The following C12orf42 variants were observed in gnomAD, a reference collection of about 807,000 sequenced individuals.
C12orf42 encodes the protein chromosome 12 open reading frame 42, also known as uncharacterized protein C12orf42.
In C12orf42, 25 loss-of-function variants were observed where a neutral mutation model predicts 21.6. The observed-to-expected ratio is 1.16, with a 90% CI of 0.84 to 1.62. The LOEUF is 1.62. Ranked by LOEUF, C12orf42 falls within the 40% of genes most tolerant of loss-of-function variation. The pLI is 0.00. For missense variants in C12orf42, 483 were observed against 459.3 expected (o/e 1.05, Z -0.47); for synonymous variants, 174 against 175.0 (o/e 0.99, Z 0.05).
At chr12:103,527,575 T>TCTTC in the C12orf42 span, among the ~76,000 whole-genome samples, 1 of 152,240 alleles carries the variant, frequency 6.6e-6, no homozygotes, top group African/African-American at 2.4e-5. Flanking sequence ...TAGGTTTTTC[T>TCTTC]CTTCCTTTCT....
At chr12:103,163,019 A>T in the C12orf42 span, 2 of 152,174 alleles carry the variant, frequency 1.3e-5, no homozygotes, top group Non-Finnish European at 2.9e-5. Flanking sequence ...GAAGGAGAAA[A>T]AATCCTTCTT....
intron 4 of C12orf42, among the ~76,000 whole-genome samples, chr12:103,346,747 T>A (rs902336981): frequency 1.3e-5 from 2 of 152,326 alleles, no homozygotes; most frequent in Admixed American, 6.5e-5. Flanking sequence ...GCCATCTGTA[T>A]CCAGATTCTC....
At chr12:103,469,261 T>C (rs1009800453) in intron 2 of C12orf42, among the ~76,000 whole-genome samples, 8 of 152,236 alleles carry the variant, frequency 5.3e-5, no homozygotes, top group Non-Finnish European at 8.8e-5. Flanking sequence ...GGAGGCAGGC[T>C]TTAACACAAA....
chr12:103,509,638 T>C, the C12orf42 span, among the ~76,000 whole-genome samples: 1 of 152,208 alleles, frequency 6.6e-6, no homozygotes, highest in Non-Finnish European at 1.5e-5. Context: ...AATTCCCGTT[T>C]TGAGCACTGC....
chr12:103,371,230 A>G lies in C12orf42; in HGVS notation c.148-2232T>C, dbSNP rs138534149. 1.9e-3 allele frequency among the ~76,000 whole-genome samples: 291 copies of G among 152,276 alleles called. 1 individual carries two copies. The highest frequency in any genetic ancestry group is 6.5e-3 in the African/African-American group (272 of 41,566). On this transcript the variant is annotated intron_variant, in intron 3 of 5. Transcript: ENST00000548883. ...CCCAACTCTACCCAACCCCTGAGGA[A>G]AAGGTTTGTGCCTCAAACCAGAAAA...
chr12:103,085,306 T>C, the C12orf42 span, among the ~76,000 whole-genome samples: 1 of 152,168 alleles, frequency 6.6e-6, no homozygotes, highest in Non-Finnish European at 1.5e-5. Flanking sequence ...TTAATTTGCC[T>C]ACATGAAGCC....
intron 4 of C12orf42, among the ~76,000 whole-genome samples, chr12:103,296,104 A>G (rs2037261369): frequency 6.7e-6 from 1 of 148,236 alleles, no homozygotes. Flanking sequence ...ATGAGCGAGA[A>G]CAGGCGGTGT....
the C12orf42 span, among the ~76,000 whole-genome samples, chr12:103,085,304 C>T: frequency 2.0e-5 from 3 of 152,048 alleles, no homozygotes; most frequent in African/African-American, 7.3e-5. Context: ...CCTTAATTTG[C>T]CTACATGAAG....
Position 103,478,403 on chromosome 12 carries a change from T to C in C12orf42, c.24A>G (p.Lys8=), listed in dbSNP as rs767386858. Residue 8 remains lysine, a synonymous_variant, in exon 2 of 6, where the codon AAA becomes AAG. Coordinates refer to ENST00000548883, the MANE Select transcript of C12orf42 (RefSeq NM_198521.5). ...TTAGCAAGAATTCTTCTTCCCTTTG[T>C]TTCATACATATCACTGTAGACATTA... MSTVICM[K]QREEEFLLTI... 2 of 1,599,054 alleles carry C rather than the reference T, an allele frequency of 1.3e-6. No homozygotes were observed. The highest frequency in any genetic ancestry group is 8.5e-7 in the Non-Finnish European group (1 of 1,170,148).
chr12:103,478,907 T>C (rs1488936436), intron 1 of C12orf42, among the ~76,000 whole-genome samples: 1 of 152,148 alleles, frequency 6.6e-6, no homozygotes, highest in African/African-American at 2.4e-5. Flanking sequence ...AAAAAATATG[T>C]CTGTTGATTA....
At chr12:103,434,064 T>C (rs540887420) in intron 2 of C12orf42, among the ~76,000 whole-genome samples, 104 of 152,324 alleles carry the variant, frequency 6.8e-4, no homozygotes, top group Non-Finnish European at 1.2e-3. Flanking sequence ...ATGAAGACAT[T>C]GGTCACCCAA....
At chr12:103,394,947 G>T (rs184184793) in intron 3 of C12orf42, among the ~76,000 whole-genome samples, 1 of 152,292 alleles carries the variant, frequency 6.6e-6, no homozygotes, top group African/African-American at 2.4e-5. Flanking sequence ...CAATAGAAAA[G>T]CAGGAACAGA....
At chr12:103,192,203 A>C in the C12orf42 span, among the ~76,000 whole-genome samples, 3 of 152,206 alleles carry the variant, frequency 2.0e-5, no homozygotes, top group Non-Finnish European at 4.4e-5. Flanking sequence ...GCCACCAACA[A>C]GAAACCAACT....
intron 10 of C12orf42, among the ~76,000 whole-genome samples, chr12:103,244,560 A>G (rs1320242122): frequency 6.6e-6 from 1 of 151,986 alleles, no homozygotes; most frequent in Non-Finnish European, 1.5e-5. Context: ...TTGAAAAAAA[A>G]AAAAAAAGAA....
the C12orf42 span, among the ~76,000 whole-genome samples, chr12:103,214,540 A>C: frequency 6.6e-6 from 1 of 151,982 alleles, no homozygotes; most frequent in Non-Finnish European, 1.5e-5. Context: ...CCTAATTCAA[A>C]AGACGGGCCA....
chr12:103,506,085 C>A, the C12orf42 span: 1 of 221,790 alleles, frequency 4.5e-6, no homozygotes, highest in South Asian at 7.9e-5. Flanking sequence ...TCTGAGTGAA[C>A]CCCTGGAGCT....
chr12:103,201,858 C>G, the C12orf42 span, among the ~76,000 whole-genome samples: 1 of 151,948 alleles, frequency 6.6e-6, no homozygotes, highest in South Asian at 2.1e-4. Context: ...GAAAATCACT[C>G]GTTTGCTTTT....
chr12:103,215,434 T>C, the C12orf42 span, among the ~76,000 whole-genome samples: 2 of 151,696 alleles, frequency 1.3e-5, no homozygotes, highest in African/African-American at 2.4e-5. Context: ...TGAGTATCCC[T>C]CCTGGCCTCT....
chr12:103,543,900 TTTG>T, the C12orf42 span, among the ~76,000 whole-genome samples: 66 of 144,314 alleles, frequency 4.6e-4, 1 homozygote, highest in African/African-American at 1.5e-3. Context: ...TGTTTTGTTT[TTTG>T]TTTTTTTTGA....
Sources: allele counts gnomAD v4.1 joint callset (sites outside exome capture counted in the v4.1 genomes callset), GRCh38; gene constraint gnomAD v4.1.1; transcripts MANE v1.5; gene names NCBI Gene and HGNC (gene_info 2026-07-23, HGNC 2026-07-21).